The following SEMA3A variants were observed in gnomAD, a reference collection of about 807,000 sequenced individuals.
SEMA3A encodes the protein semaphorin 3A, also known as semaphorin-3A.
In SEMA3A, 29 loss-of-function variants were observed where a neutral mutation model predicts 97.9. The ratio of observed to expected loss-of-function variants is 0.30; its 90% CI spans 0.22 to 0.40. The LOEUF is 0.40. Ranked by LOEUF, SEMA3A falls within the 10% of genes least tolerant of loss-of-function variation. SEMA3A has a pLI of 1.00. For missense variants in SEMA3A, 763 were observed against 951.3 expected, an observed-to-expected ratio of 0.80 and a Z score of 2.60; for synonymous variants, 321 against 323.7, an observed-to-expected ratio of 0.99 and a Z score of 0.09.
At chr7:84,069,446 T>C (rs1469160788) in intron 4 of SEMA3A, among the ~76,000 whole-genome samples, 1 of 152,182 alleles carries the variant, frequency 6.6e-6, no homozygotes, top group African/African-American at 2.4e-5. Flanking sequence ...TATTCTGTTC[T>C]ACTATGATCA....
intron 1 of SEMA3A, among the ~76,000 whole-genome samples, chr7:84,168,373 G>T (rs139059018): frequency 1.3e-5 from 2 of 151,970 alleles, no homozygotes; most frequent in Admixed American, 6.6e-5. Flanking sequence ...CCCACATGCT[G>T]AGATAACAAT....
intron 1 of SEMA3A, among the ~76,000 whole-genome samples, chr7:84,413,723 G>A (rs1219699473): frequency 1.3e-5 from 2 of 152,002 alleles, no homozygotes; most frequent in African/African-American, 4.8e-5. Flanking sequence ...TATGTAGAGA[G>A]AAAAAACTTG....
intron 1 of SEMA3A, among the ~76,000 whole-genome samples, chr7:84,475,008 C>A (rs989802077): frequency 6.6e-6 from 1 of 152,078 alleles, no homozygotes. Context: ...AGTGAAACAT[C>A]TGTGACATCA....
At chr7:84,442,670 T>G (rs928717297) in intron 1 of SEMA3A, among the ~76,000 whole-genome samples, 5 of 152,168 alleles carry the variant, frequency 3.3e-5, no homozygotes, top group African/African-American at 1.2e-4. Flanking sequence ...ATTAAAAAGA[T>G]AGCAGAATGG....
upstream of SEMA3A, among the ~76,000 whole-genome samples, chr7:84,197,896 C>T (rs1334976850): frequency 1.3e-5 from 2 of 151,884 alleles, no homozygotes; most frequent in African/African-American, 2.4e-5. Context: ...CACGCCGCCA[C>T]GCCCAGCTAA....
intron 4 of SEMA3A, among the ~76,000 whole-genome samples, chr7:84,069,148 A>G (rs911470990): frequency 6.6e-6 from 1 of 152,080 alleles, no homozygotes; most frequent in African/African-American, 2.4e-5. Context: ...CACTTCTTAC[A>G]CATGTTTGTA....
At chr7:84,030,143 G>C (rs1203420830) in intron 6 of SEMA3A, among the ~76,000 whole-genome samples, 1 of 152,016 alleles carries the variant, frequency 6.6e-6, no homozygotes, top group African/African-American at 2.4e-5. Context: ...GTAAACCAAG[G>C]CAGCAAACCT....
intron 2 of SEMA3A, among the ~76,000 whole-genome samples, chr7:84,352,778 C>T (rs2116031352): frequency 6.6e-6 from 1 of 151,786 alleles, no homozygotes; most frequent in African/African-American, 2.4e-5. Context: ...TAAAAAATTC[C>T]AAGACTATCA....
chr7:84,049,969 G>T, intron 5 of SEMA3A, among the ~76,000 whole-genome samples: 1 of 148,648 alleles, frequency 6.7e-6, no homozygotes, highest in East Asian at 2.0e-4. Flanking sequence ...GCGGTGTTTG[G>T]TTTTTTGTTC....
In SEMA3A at chr7:84,479,113, C is replaced by T. The variant is rs974329981; in HGVS notation, c.-246+13347G>A. Among the ~76,000 whole-genome samples, 9 of 152,194 alleles carry T rather than the reference C, an allele frequency of 5.9e-5. No individual in the cohort carries two copies. The South Asian group carries it at 6.2e-4, about 11-fold the overall frequency. ...AAAATATAATTTTTACAGCTATCCA[C>T]AGAATAATAAAGACATTCTACTAAG... On this transcript the variant is annotated intron_variant, in intron 1 of 3. Coordinates refer to the SEMA3A transcript ENST00000424555.
chr7:84,076,321 C>T (rs1338047032), intron 4 of SEMA3A, among the ~76,000 whole-genome samples: 1 of 151,694 alleles, frequency 6.6e-6, no homozygotes, highest in Non-Finnish European at 1.5e-5. Flanking sequence ...TGTGATTGTT[C>T]CACTTTTGTA....
At chr7:84,458,928 A>T (rs1805755028) in intron 1 of SEMA3A, among the ~76,000 whole-genome samples, 1 of 147,956 alleles carries the variant, frequency 6.8e-6, no homozygotes, top group African/African-American at 2.4e-5. Flanking sequence ...ATATTTTTGT[A>T]CTCATTAGCC....
intron 2 of SEMA3A, among the ~76,000 whole-genome samples, chr7:84,340,604 C>A (rs1802140330): frequency 6.6e-6 from 1 of 151,696 alleles, no homozygotes. Context: ...CATCATGAAA[C>A]CCCATCTCTA....
At chr7:84,363,099 G>A (rs140105709) in intron 2 of SEMA3A, among the ~76,000 whole-genome samples, 1 of 152,046 alleles carries the variant, frequency 6.6e-6, no homozygotes, top group East Asian at 1.9e-4. Flanking sequence ...CAAGGGAAGA[G>A]TTAGTTTACG....
At chr7:84,251,093 A>G (rs1043941456) in intron 3 of SEMA3A, among the ~76,000 whole-genome samples, 2 of 152,200 alleles carry the variant, frequency 1.3e-5, no homozygotes, top group Non-Finnish European at 2.9e-5. Flanking sequence ...AAATATAACC[A>G]TTGCATTTTT....
At chr7:84,477,072 A>C (rs1311722746) in intron 1 of SEMA3A, among the ~76,000 whole-genome samples, 3 of 127,122 alleles carry the variant, frequency 2.4e-5, no homozygotes, top group Non-Finnish European at 4.9e-5. Flanking sequence ...TAAAAAAAAA[A>C]AATATATATA....
intron 1 of SEMA3A, among the ~76,000 whole-genome samples, chr7:84,185,676 A>T (rs2116250704): frequency 1.4e-5 from 2 of 143,442 alleles, no homozygotes; most frequent in South Asian, 4.8e-4. Context: ...GGGTGACAAG[A>T]GAGAAACTCT....
At position 84,230,550 on chromosome 7, in the gene SEMA3A, T is replaced by C. The variant is rs145958335; in HGVS notation, c.-82-35882A>G. 4.1e-3 allele frequency among the ~76,000 whole-genome samples: 626 copies of C among 152,086 alleles called. 6 individuals are homozygous for C. The highest frequency in any genetic ancestry group is 0.014 in the African/African-American group (600 of 41,540). ...TAACTTTGAAATCCCAAGTCAGTAA[T>C]GTCCTTTCAGTTATGTTAGCTCATG... On this transcript the variant is annotated intron_variant, in intron 3 of 3. Coordinates refer to the SEMA3A transcript ENST00000424555.
At chr7:84,005,621 A>ATAAT (rs998797974) in intron 10 of SEMA3A, 63 bp from the exon 11 acceptor site, 4 of 1,099,562 alleles carry the variant, frequency 3.6e-6, no homozygotes, top group Non-Finnish European at 5.3e-6. Flanking sequence ...TATAAATTAT[A>ATAAT]TAATAACACA....
Sources: allele counts gnomAD v4.1 joint callset (sites outside exome capture counted in the v4.1 genomes callset), GRCh38; gene constraint gnomAD v4.1.1; transcripts MANE v1.5; gene names NCBI Gene and HGNC (gene_info 2026-07-23, HGNC 2026-07-21).